The following CARMIL1 variants were observed in gnomAD, a reference collection of about 807,000 sequenced individuals.
CARMIL1 encodes F-actin-uncapping protein LRRC16A.
Under a neutral mutation model 177.1 loss-of-function variants are expected in CARMIL1, and 90 were observed. The ratio of observed to expected loss-of-function variants is 0.51; its 90% CI spans 0.43 to 0.61. The LOEUF (loss-of-function observed/expected upper bound fraction) is 0.61. Among genes scored for constraint, CARMIL1 ranks in the 20% least tolerant of loss-of-function variants. The pLI is 0.00. For missense variants in CARMIL1, 1,380 were observed against 1,667.0 expected, an observed-to-expected ratio of 0.83 and a Z score of 3.00; for synonymous variants, 577 against 606.2, an observed-to-expected ratio of 0.95 and a Z score of 0.71.
At chr6:25,443,900 T>A (rs1369894488) in intron 5 of CARMIL1, among the ~76,000 whole-genome samples, 1 of 151,884 alleles carries the variant, frequency 6.6e-6, no homozygotes, top group Non-Finnish European at 1.5e-5. Flanking sequence ...GCCTCCTGGG[T>A]TCAAGCCATT....
chr6:25,584,097 GCCTC>G, intron 31 of CARMIL1, among the ~76,000 whole-genome samples: 4 of 140,824 alleles, frequency 2.8e-5, no homozygotes, highest in African/African-American at 1.1e-4. Context: ...GCACAGTCAT[GCCTC>G]ACTGCAGCCT....
At chr6:25,319,461 C>T (rs1354360096) in intron 2 of CARMIL1, among the ~76,000 whole-genome samples, 2 of 151,926 alleles carry the variant, frequency 1.3e-5, no homozygotes, top group East Asian at 1.9e-4. Flanking sequence ...TCAAAGGGCT[C>T]GATTTCCTTA....
At chr6:25,486,594 T>A (rs1162799017) in intron 12 of CARMIL1, among the ~76,000 whole-genome samples, 1 of 152,222 alleles carries the variant, frequency 6.6e-6, no homozygotes, top group Non-Finnish European at 1.5e-5. Flanking sequence ...CTAAAGGAAG[T>A]TGGTCGTTTA....
intron 8 of CARMIL1, among the ~76,000 whole-genome samples, chr6:25,461,477 G>A (rs940540935): frequency 6.6e-6 from 1 of 152,226 alleles, no homozygotes; most frequent in African/African-American, 2.4e-5. Context: ...CTGCAAGGCA[G>A]CACTGGGTTC....
At chr6:25,458,789 C>T (rs1799758339) in intron 8 of CARMIL1, among the ~76,000 whole-genome samples, 1 of 152,046 alleles carries the variant, frequency 6.6e-6, no homozygotes, top group Admixed American at 6.6e-5. Context: ...CTTCCCTGTG[C>T]CTTTGGAATG....
intron 31 of CARMIL1, among the ~76,000 whole-genome samples, chr6:25,590,326 A>C (rs1562317122): frequency 6.6e-6 from 1 of 152,168 alleles, no homozygotes; most frequent in East Asian, 1.9e-4. Context: ...CTAGTGTTAT[A>C]ACATTTTTAG....
At chr6:25,550,649 C>T (rs369006984) in intron 26 of CARMIL1, among the ~76,000 whole-genome samples, 3 of 152,132 alleles carry the variant, frequency 2.0e-5, no homozygotes, top group African/African-American at 4.8e-5. Context: ...ACAGCTGACA[C>T]GCCATAACAC....
At chr6:25,384,608 GT>G (rs796956992) in intron 2 of CARMIL1, among the ~76,000 whole-genome samples, 1 of 152,192 alleles carries the variant, frequency 6.6e-6, no homozygotes, top group Non-Finnish European at 1.5e-5. Flanking sequence ...ACCAGTTTGT[GT>G]TTTTTTAACA....
intron 33 of CARMIL1, among the ~76,000 whole-genome samples, chr6:25,601,131 G>T (rs1241094787): frequency 6.6e-6 from 1 of 152,112 alleles, no homozygotes; most frequent in Admixed American, 6.5e-5. Context: ...TTGTGTTTTT[G>T]CCCTCGCTGG....
intron 2 of CARMIL1, among the ~76,000 whole-genome samples, chr6:25,303,362 A>G (rs2150180249): frequency 6.6e-6 from 1 of 152,328 alleles, no homozygotes; most frequent in African/African-American, 2.4e-5. Flanking sequence ...TTTTTAGCAT[A>G]CAGATCAGAA....
At chr6:25,549,452 A>G (rs1312072924) in intron 26 of CARMIL1, among the ~76,000 whole-genome samples, 2 of 152,196 alleles carry the variant, frequency 1.3e-5, no homozygotes, top group African/African-American at 4.8e-5. Flanking sequence ...ACTTACTTGC[A>G]TCTCTTGCAG....
chr6:25,488,525 C>T lies in CARMIL1; in HGVS notation c.1005C>T (p.Thr335=), dbSNP rs373727560. ...LSQSLSANPL[T]ASTLVHLDLS... Reference sequence around the variant, plus strand: ...AGTCACTCAGTGCCAATCCATTGACCGCCTCTACCCTTGTCCACCTCGACC... The same window carrying T: ...AGTCACTCAGTGCCAATCCATTGACTGCCTCTACCCTTGTCCACCTCGACC... The change falls in exon 13 of 37, where the codon ACC becomes ACT. Residue 335 remains threonine, a synonymous_variant. Transcript: ENST00000329474. The T allele has an allele frequency of 8.1e-6, 13 of 1,613,832 alleles. No individual in the cohort carries two copies. The highest frequency in any genetic ancestry group is 4.0e-5 in the African/African-American group (3 of 74,894).
At chr6:25,375,502 A>G (rs1790882523) in intron 2 of CARMIL1, among the ~76,000 whole-genome samples, 4 of 152,172 alleles carry the variant, frequency 2.6e-5, no homozygotes, top group Non-Finnish European at 5.9e-5. Context: ...CCCAGGAATT[A>G]TTTATGCTTC....
chr6:25,358,861 G>A (rs1371735534), intron 2 of CARMIL1, among the ~76,000 whole-genome samples: 1 of 152,174 alleles, frequency 6.6e-6, no homozygotes, highest in Non-Finnish European at 1.5e-5. Flanking sequence ...ACTTGAGAAG[G>A]ATTCAAAGAT....
intron 22 of CARMIL1, among the ~76,000 whole-genome samples, chr6:25,518,990 A>C (rs904062711): frequency 1.3e-5 from 2 of 152,248 alleles, no homozygotes; most frequent in African/African-American, 2.4e-5. Flanking sequence ...TTAAAGCAAT[A>C]GAAATTACAG....
chr6:25,447,041 G>A (rs79415097), intron 5 of CARMIL1, among the ~76,000 whole-genome samples: 9,162 of 152,228 alleles, frequency 0.06, 375 homozygotes, highest in Non-Finnish European at 0.094. Context: ...CACCAAAACA[G>A]ATATTATAAT....
At chr6:25,501,628 C>T (rs949435886) in intron 17 of CARMIL1, among the ~76,000 whole-genome samples, 1 of 152,172 alleles carries the variant, frequency 6.6e-6, no homozygotes, top group African/African-American at 2.4e-5. Flanking sequence ...TTGTCTAGCA[C>T]TTAATGATAA....
At chr6:25,540,159 T>C in intron 26 of CARMIL1, 81 bp downstream of exon 26, 1 of 1,313,672 alleles carries the variant, frequency 7.6e-7, no homozygotes, top group Non-Finnish European at 1.0e-6. Flanking sequence ...TAGCTATCTA[T>C]GTTTTATAGA....
Position 25,426,576 on chromosome 6 carries a change from G to C in CARMIL1, c.249+16G>C. 1.9e-6 allele frequency: 3 copies of C among 1,606,340 alleles called. No homozygotes were observed. The highest frequency in any genetic ancestry group is 1.7e-6 in the Non-Finnish European group (2 of 1,174,034). ...GTCAGCTCAGGTGAGTGTGAAAAATGGATCACTGCAAGATCATGATCTTTC... is the reference window on the plus strand; with the variant it reads ...GTCAGCTCAGGTGAGTGTGAAAAATCGATCACTGCAAGATCATGATCTTTC... On this transcript the variant is annotated intron_variant, in intron 4 of 36. Transcript: ENST00000329474.
Sources: allele counts gnomAD v4.1 joint callset (sites outside exome capture counted in the v4.1 genomes callset), GRCh38; gene constraint gnomAD v4.1.1; transcripts MANE v1.5; gene names NCBI Gene and HGNC (gene_info 2026-07-23, HGNC 2026-07-21).